FBXL13: variants seen among roughly 807,000 people sequenced by gnomAD.
FBXL13 encodes F-box and leucine-rich repeat protein 13.
A neutral mutation model predicts 83.6 loss-of-function variants in FBXL13; 67 were observed. The ratio of observed to expected loss-of-function variants is 0.80; its 90% CI spans 0.66 to 0.98. The LOEUF (loss-of-function observed/expected upper bound fraction) is 0.98. Ranked by LOEUF, FBXL13 falls within the 50% of genes least tolerant of loss-of-function variation. The pLI is 0.00. For missense variants in FBXL13, 822 were observed against 866.5 expected, an observed-to-expected ratio of 0.95 and a Z score of 0.64; for synonymous variants, 272 against 299.5, an observed-to-expected ratio of 0.91 and a Z score of 0.95.
Position 103,063,410 on chromosome 7 carries a change from C to A in FBXL13, c.-104-7663G>T, listed in dbSNP as rs78994141. 8.8e-4 allele frequency among the ~76,000 whole-genome samples: 134 copies of A among 152,276 alleles called. 1 individual carries two copies. The highest frequency in any genetic ancestry group is 3.2e-3 in the African/African-American group (132 of 41,550). On this transcript the variant is annotated intron_variant, in intron 1 of 19. Coordinates refer to ENST00000313221, the Ensembl canonical transcript of FBXL13. ...GAAGAGGATGTGTATAGGTTATATA[C>A]AAATGCTATGCCACTTTTTATCAGC...
intron 16 of FBXL13, among the ~76,000 whole-genome samples, chr7:102,866,860 G>A (rs1807724602): frequency 6.6e-6 from 1 of 152,160 alleles, no homozygotes; most frequent in African/African-American, 2.4e-5. Flanking sequence ...ATCTTGCTAG[G>A]CATCCCAAAG....
At chr7:102,842,514 A>G (rs1803129192) in intron 17 of FBXL13, among the ~76,000 whole-genome samples, 1 of 152,258 alleles carries the variant, frequency 6.6e-6, no homozygotes, top group Non-Finnish European at 1.5e-5. Flanking sequence ...AGAATCTTGC[A>G]CAAACAACAT....
At chr7:102,886,466 C>T (rs1008203701) in intron 11 of FBXL13, among the ~76,000 whole-genome samples, 1 of 152,182 alleles carries the variant, frequency 6.6e-6, no homozygotes, top group African/African-American at 2.4e-5. Flanking sequence ...AGTGTCATAG[C>T]CCCAGGACAA....
rs183840397 is a variant in FBXL13 at position 102,870,150 on chromosome 7, A to G, written c.1635+7317T>C. ...CTTCTTTTTGCAATTCAATTTGAAA[A>G]TAATCTGTATGCTATCAGTAATTTA... is the stretch of plus-strand genomic sequence containing the variant. On this transcript the variant is annotated intron_variant, in intron 16 of 19. Coordinates refer to ENST00000313221, the Ensembl canonical transcript of FBXL13. Among the ~76,000 whole-genome samples the G allele has an allele frequency of 3.9e-5, 6 of 152,336 alleles. No individual in the cohort carries two copies. In the East Asian group the frequency reaches 1.2e-3, roughly 29 times the overall value.
intron 11 of FBXL13, among the ~76,000 whole-genome samples, chr7:102,895,673 T>TA (rs1364014981): frequency 2.0e-5 from 3 of 152,158 alleles, no homozygotes; most frequent in Admixed American, 6.5e-5. Flanking sequence ...TACCCCATGA[T>TA]AATGTCAATG....
intron 2 of FBXL13, among the ~76,000 whole-genome samples, chr7:103,031,935 T>G (rs1453028212): frequency 6.6e-6 from 1 of 152,206 alleles, no homozygotes; most frequent in Non-Finnish European, 1.5e-5. Context: ...TTACCCTCTC[T>G]AGGAATTACT....
At chr7:103,069,612 G>A (rs186042471) in intron 1 of FBXL13, among the ~76,000 whole-genome samples, 3 of 152,134 alleles carry the variant, frequency 2.0e-5, no homozygotes, top group South Asian at 2.1e-4. Flanking sequence ...GATGTAAACC[G>A]AACCCAAATA....
chr7:102,857,139 A>G (rs1458851653), intron 16 of FBXL13, among the ~76,000 whole-genome samples: 1 of 152,210 alleles, frequency 6.6e-6, no homozygotes, highest in Non-Finnish European at 1.5e-5. Context: ...CTATTAGAAG[A>G]AAACAGGGGG....
intron 8 of FBXL13, among the ~76,000 whole-genome samples, chr7:102,955,694 A>C (rs1417570212): frequency 6.6e-6 from 1 of 152,084 alleles, no homozygotes; most frequent in East Asian, 1.9e-4. Context: ...AAAATGATAA[A>C]GGGGATATCA....
intron 6 of FBXL13, among the ~76,000 whole-genome samples, chr7:103,013,339 C>T (rs1257470644): frequency 6.6e-6 from 1 of 152,160 alleles, no homozygotes; most frequent in African/African-American, 2.4e-5. Flanking sequence ...ATACATTCTT[C>T]ACATCTGCAC....
chr7:102,812,997 C>G (rs951332717), downstream of FBXL13, among the ~76,000 whole-genome samples: 14 of 152,006 alleles, frequency 9.2e-5, no homozygotes, highest in Non-Finnish European at 1.9e-4. Context: ...CGCCCACCAC[C>G]ACACCCGGCT....
rs529489907 is a variant in FBXL13 at position 103,021,019 on chromosome 7, T to A, written c.495+4044A>T. The stretch of plus-strand genomic sequence containing the variant: ...TATGGAACCAAAAAAGAGCCCACAT[T>A]GCCAAGACAATCCTAAGCAAAAAGA... On this transcript the variant is annotated intron_variant, in intron 6 of 19. Coordinates refer to ENST00000313221, the Ensembl canonical transcript of FBXL13. Among the ~76,000 whole-genome samples the A allele has an allele frequency of 3.3e-5, 5 of 152,198 alleles. No homozygotes were observed. The South Asian group carries it at 8.3e-4, about 25-fold the overall frequency.
intron 18 of FBXL13, among the ~76,000 whole-genome samples, chr7:102,828,158 A>G (rs979112719): frequency 4.6e-5 from 7 of 152,152 alleles, no homozygotes; most frequent in African/African-American, 1.7e-4. Context: ...CATTGAATCT[A>G]TAAATTACCT....
At position 102,968,017 on chromosome 7, in the gene FBXL13, CT is replaced by C. The variant is rs1563164442; in HGVS notation, c.591+4del. On this transcript the variant is annotated splice_donor_region_variant and intron_variant, in intron 7 of 19. Coordinates refer to ENST00000313221, the Ensembl canonical transcript of FBXL13. ...AAAGACATAGTTCAGTTAGTATCTA[CT>C]TACAGCATTCCACAGTGAGTTTAGT... is the stretch of plus-strand genomic sequence containing the variant. The C allele has an allele frequency of 6.2e-7, 1 of 1,607,526 alleles. No homozygotes were observed. The highest frequency in any genetic ancestry group is 1.1e-5 in the South Asian group (1 of 90,958).
rs141230691 is a variant in FBXL13 at position 103,038,154 on chromosome 7, C to T, written c.1-8736G>A. Among the ~76,000 whole-genome samples the T allele has an allele frequency of 1.6e-3, 251 of 152,352 alleles. 2 individuals carry two copies. Among genetic ancestry groups the T allele is most frequent in the African/African-American group, 5.6e-3 (234 of 41,604 alleles). ...TGCAGACCAGGAGATACCCTCCCTCCCATGCCTGGCTCGGTGAGTCCCACA... is the reference window on the plus strand; with the variant it reads ...TGCAGACCAGGAGATACCCTCCCTCTCATGCCTGGCTCGGTGAGTCCCACA... On this transcript the variant is annotated intron_variant, in intron 2 of 19. Transcript: ENST00000313221.
chr7:102,898,508 G>C (rs1040937085), intron 11 of FBXL13, among the ~76,000 whole-genome samples: 7 of 152,040 alleles, frequency 4.6e-5, no homozygotes, highest in African/African-American at 1.7e-4. Flanking sequence ...TGCTCAGGCT[G>C]GTCTTGGACT....
intron 11 of FBXL13, among the ~76,000 whole-genome samples, chr7:102,902,265 T>A (rs1387263940): frequency 6.6e-6 from 1 of 152,170 alleles, no homozygotes; most frequent in African/African-American, 2.4e-5. Context: ...CATTTGCCCA[T>A]TTTTTGATAG....
intron 17 of FBXL13, among the ~76,000 whole-genome samples, chr7:102,839,635 G>A (rs1462679292): frequency 1.3e-5 from 2 of 152,040 alleles, no homozygotes; most frequent in Non-Finnish European, 2.9e-5. Context: ...TTTAAGTAGA[G>A]ACAGGGTTTC....
In FBXL13 at chr7:102,884,327, G is replaced by C; in HGVS notation, c.1009-15C>G. The C allele has an allele frequency of 6.3e-7, 1 of 1,595,500 alleles. No individual in the cohort carries two copies. The highest frequency in any genetic ancestry group is 1.1e-5 in the South Asian group (1 of 90,438). On this transcript the variant is annotated splice_polypyrimidine_tract_variant and intron_variant, in intron 11 of 19. Transcript: ENST00000313221. ...TGGACTGAAATCTGAATTGTACAGA[G>C]TAGAAAATAATGGGAGAATGCATTA...
Sources: allele counts gnomAD v4.1 joint callset (sites outside exome capture counted in the v4.1 genomes callset), GRCh38; gene constraint gnomAD v4.1.1; transcripts MANE v1.5; gene names NCBI Gene and HGNC (gene_info 2026-07-23, HGNC 2026-07-21).